Variants in OCA2 observed in about 807,000 individuals in gnomAD.
The protein encoded by OCA2 is P protein.
A neutral mutation model predicts 100.2 loss-of-function variants in OCA2; 77 were observed. The ratio of observed to expected loss-of-function variants is 0.77; its 90% CI spans 0.64 to 0.93. OCA2 has a LOEUF of 0.93. Ranked by LOEUF, OCA2 falls within the 40% of genes least tolerant of loss-of-function variation. The probability of loss-of-function intolerance (pLI) is 0.00; values close to 1 mark genes in which losing one functional copy is unlikely to be tolerated. For missense variants in OCA2, 1,062 were observed against 1,089.1 expected (o/e 0.98, Z 0.35); for synonymous variants, 432 against 439.2 (o/e 0.98, Z 0.21).
At chr15:28,059,676 G>A (rs2043811741) in intron 2 of OCA2, among the ~76,000 whole-genome samples, 1 of 152,136 alleles carries the variant, frequency 6.6e-6, no homozygotes, top group African/African-American at 2.4e-5. Flanking sequence ...CTCCCTAGTA[G>A]TAAAGTCTTC....
At chr15:27,860,760 CGCAAGG>C (rs1280404784) in intron 21 of OCA2, among the ~76,000 whole-genome samples, 1 of 152,162 alleles carries the variant, frequency 6.6e-6, no homozygotes, top group Non-Finnish European at 1.5e-5. Context: ...GTGATGGACA[CGCAAGG>C]GCACATGTCT....
Position 28,069,415 on chromosome 15 carries a change from C to T in OCA2, c.227+12233G>A, listed in dbSNP as rs866787321. On this transcript the variant is annotated intron_variant, in intron 2 of 23. Transcript: ENST00000354638. ...CCCCCTCCCCCTCCCCTTCCCCCTC[C>T]CCCTCCCCCTCCCCCTCCCCCTCTC... Among the ~76,000 whole-genome samples the T allele has an allele frequency of 5.8e-3, 172 of 29,664 alleles. 69 individuals carry two copies. In the African/African-American group the frequency reaches 0.087, roughly 15 times the overall value. 19.5% of individuals were successfully genotyped at this position (29,664 alleles called of 152,430 possible). A position where few individuals can be genotyped will look rare whatever the true frequency, so the allele number is the denominator to read the frequency against.
intron 1 of OCA2, among the ~76,000 whole-genome samples, chr15:28,095,594 G>GT (rs1055780192): frequency 5.7e-4 from 86 of 152,078 alleles, no homozygotes; most frequent in African/African-American, 2.0e-3. Context: ...GCGCGTGCCT[G>GT]TAATCCCAGC....
chr15:27,893,790 AC>A, intron 19 of OCA2, among the ~76,000 whole-genome samples: 1 of 152,260 alleles, frequency 6.6e-6, no homozygotes, highest in Middle Eastern at 3.4e-3. Context: ...CAATACGTGC[AC>A]CGCTGAACAT....
chr15:28,014,741 C>T, intron 9 of OCA2, 35 bp downstream of exon 9: 1 of 1,605,542 alleles, frequency 6.2e-7, no homozygotes, highest in East Asian at 2.2e-5. Context: ...TGACTGTGGG[C>T]CCAGACAGAT....
At chr15:28,016,944 C>A (rs1460726355) in intron 7 of OCA2, among the ~76,000 whole-genome samples, 4 of 152,084 alleles carry the variant, frequency 2.6e-5, no homozygotes, top group Non-Finnish European at 5.9e-5. Context: ...ACCTTCCACA[C>A]CCCTGTGCAC....
intron 2 of OCA2, among the ~76,000 whole-genome samples, chr15:28,056,192 G>A (rs1244368429): frequency 3.3e-5 from 5 of 152,162 alleles, no homozygotes; most frequent in Non-Finnish European, 7.4e-5. Context: ...AGCCCACCAT[G>A]GGACCTGCCT....
chr15:28,066,112 T>C (rs1354345759), intron 2 of OCA2, among the ~76,000 whole-genome samples: 12 of 152,326 alleles, frequency 7.9e-5, no homozygotes, highest in South Asian at 4.1e-4. Flanking sequence ...TTCTGTTTTA[T>C]GTACCAACAC....
In OCA2 at chr15:27,851,646, G is replaced by A. The variant is rs1311123663; in HGVS notation, c.2245-171C>T. 5.3e-5 allele frequency among the ~76,000 whole-genome samples: 8 copies of A among 152,336 alleles called. No individual in the cohort carries two copies. In the East Asian group the frequency reaches 9.7e-4, roughly 18 times the overall value. ...TTGGAATCCACAGAAACTTGAGTTT[G>A]AACTCATCTGTATGTCTTTGATGCC... On this transcript the variant is annotated intron_variant, in intron 21 of 23. Transcript: ENST00000354638.
chr15:27,722,250 G>T, the OCA2 span, among the ~76,000 whole-genome samples: 6 of 152,224 alleles, frequency 3.9e-5, no homozygotes, highest in South Asian at 2.1e-4. Context: ...TAAAGAGACT[G>T]TGAATACCCT....
At chr15:28,045,337 T>A (rs1566835510) in intron 2 of OCA2, among the ~76,000 whole-genome samples, 1 of 152,248 alleles carries the variant, frequency 6.6e-6, no homozygotes, top group Non-Finnish European at 1.5e-5. Context: ...ATATAACACT[T>A]TACCTCTATG....
At position 27,755,266 on chromosome 15, in the gene OCA2, C is replaced by T. The variant is rs919625825; in HGVS notation, c.*122G>A. 2.8e-5 allele frequency: 20 copies of T among 726,768 alleles called. No individual in the cohort carries two copies. The East Asian group carries it at 5.4e-4, about 20-fold the overall frequency. 45.0% of individuals were successfully genotyped at this position (726,768 alleles called of 1,614,324 possible). The stretch of plus-strand genomic sequence containing the variant: ...TGTCAAGGTCTATTCCACTGTGTCT[C>T]TGTAGCATCTCCAGGGTAAGCACCT... On this transcript the variant is annotated 3_prime_UTR_variant, in exon 24 of 24. Coordinates refer to ENST00000354638, the MANE Select transcript of OCA2 (RefSeq NM_000275.3).
the OCA2 span, among the ~76,000 whole-genome samples, chr15:27,736,929 T>C: frequency 6.6e-6 from 1 of 152,264 alleles, no homozygotes; most frequent in South Asian, 2.1e-4. Flanking sequence ...ATGACATACT[T>C]CTGTGGAAAA....
rs997929756 is a variant in OCA2, at chr15:28,077,925, C to T, written c.227+3723G>A. ...TGAAACCCCGTCTCTACTAAATATA[C>T]AACAATTAGCCGGATGTGGTGGCGA... On this transcript the variant is annotated intron_variant, in intron 2 of 23. Coordinates refer to ENST00000354638, the MANE Select transcript of OCA2 (RefSeq NM_000275.3). Among the ~76,000 whole-genome samples the T allele has an allele frequency of 2.0e-5, 3 of 152,140 alleles. No individual in the cohort carries two copies. The East Asian group carries it at 5.8e-4, about 29-fold the overall frequency.
At chr15:27,850,740 C>T (rs1270922557) in intron 22 of OCA2, among the ~76,000 whole-genome samples, 1 of 152,150 alleles carries the variant, frequency 6.6e-6, no homozygotes, top group Non-Finnish European at 1.5e-5. Flanking sequence ...AGAATAAAAA[C>T]TTAAAGCGTA....
intron 23 of OCA2, among the ~76,000 whole-genome samples, chr15:27,829,905 C>A (rs2034886396): frequency 6.6e-6 from 1 of 152,218 alleles, no homozygotes; most frequent in Non-Finnish European, 1.5e-5. Context: ...GACTATCACA[C>A]ACTATTTCAA....
Position 27,983,454 on chromosome 15 carries a change from C to G in OCA2, c.1394G>C (p.Arg465Thr). 2 of 1,614,206 alleles carry G rather than the reference C, an allele frequency of 1.2e-6. No homozygotes were observed. The highest frequency in any genetic ancestry group is 1.7e-6 in the Non-Finnish European group (2 of 1,180,048). ...RLCEVLNLDP[R>T]QVLIAEVIFT... The stretch of plus-strand genomic sequence containing the variant: ...GATCACTTCTGCAATCAGGACTTGT[C>G]TTGGATCAAGGTTGAGCACCTCACA... The change falls in exon 14 of 24, where the codon AGA (arginine) becomes ACA (threonine). Residue 465 changes from arginine (R) to threonine (T), a missense_variant. By Grantham distance (71) the Arg-to-Thr change is moderately conservative. Transcript: ENST00000354638.
At chr15:28,005,948 A>C (rs2042078935) in intron 9 of OCA2, among the ~76,000 whole-genome samples, 1 of 152,098 alleles carries the variant, frequency 6.6e-6, no homozygotes, top group African/African-American at 2.4e-5. Flanking sequence ...GATAATTCCC[A>C]TCTCCTTGAG....
intron 15 of OCA2, among the ~76,000 whole-genome samples, chr15:27,965,529 G>A (rs980726455): frequency 1.3e-5 from 2 of 152,140 alleles, no homozygotes; most frequent in South Asian, 2.1e-4. Context: ...AGTCAGCATC[G>A]GAGGAACTGG....
Sources: allele counts gnomAD v4.1 joint callset (sites outside exome capture counted in the v4.1 genomes callset), GRCh38; gene constraint gnomAD v4.1.1; transcripts MANE v1.5; gene names NCBI Gene and HGNC (gene_info 2026-07-23, HGNC 2026-07-21).